ATRNL1: variants seen among roughly 807,000 people sequenced by gnomAD.
ATRNL1 encodes attractin-like protein 1.
In ATRNL1, 95 loss-of-function variants were observed where a neutral mutation model predicts 182.7. That is an observed-to-expected ratio of 0.52 (90% confidence interval 0.44 to 0.62). ATRNL1 has a LOEUF of 0.62. Among genes scored for constraint, ATRNL1 ranks in the 20% least tolerant of loss-of-function variants. ATRNL1 has a pLI of 0.00. For synonymous variants in ATRNL1, 576 were observed against 568.3 expected (o/e 1.01, Z -0.19); for missense variants, 1,471 against 1,679.5 (o/e 0.88, Z 2.17).
chr10:115,698,788 G>C (rs1170957367), intron 26 of ATRNL1, among the ~76,000 whole-genome samples: 1 of 150,610 alleles, frequency 6.6e-6, no homozygotes, highest in Admixed American at 6.6e-5. Flanking sequence ...AAAAAAAAAA[G>C]AAGAAGAAAT....
intron 1 of ATRNL1, among the ~76,000 whole-genome samples, chr10:115,112,035 A>G (rs560451206): frequency 5.5e-4 from 83 of 150,944 alleles, no homozygotes; most frequent in African/African-American, 2.0e-3. Context: ...AGTTCCATTT[A>G]CAATAGCATC....
At chr10:115,226,518 A>G (rs1236196935) in intron 9 of ATRNL1, among the ~76,000 whole-genome samples, 2 of 152,036 alleles carry the variant, frequency 1.3e-5, no homozygotes, top group African/African-American at 4.8e-5. Flanking sequence ...TTACAGAATC[A>G]GTGCTATTCC....
chr10:115,245,991 T>C (rs530195583), intron 10 of ATRNL1, among the ~76,000 whole-genome samples: 1 of 152,310 alleles, frequency 6.6e-6, no homozygotes, highest in Admixed American at 6.5e-5. Context: ...TCTTTCTTTT[T>C]GTTGGGATTA....
At chr10:115,194,586 T>C (rs1178921491) in intron 8 of ATRNL1, among the ~76,000 whole-genome samples, 1 of 151,964 alleles carries the variant, frequency 6.6e-6, no homozygotes, top group Admixed American at 6.6e-5. Context: ...GGTCTGTGTG[T>C]CTTTATGGGT....
intron 27 of ATRNL1, among the ~76,000 whole-genome samples, chr10:115,835,305 A>G (rs904103480): frequency 1.2e-4 from 18 of 152,294 alleles, no homozygotes; most frequent in African/African-American, 4.3e-4. Context: ...AACAAAAAGT[A>G]AGATACATTG....
intron 1 of ATRNL1, among the ~76,000 whole-genome samples, chr10:115,117,056 G>A (rs2143588530): frequency 6.6e-6 from 1 of 151,918 alleles, no homozygotes; most frequent in Middle Eastern, 3.4e-3. Context: ...GGAGGAAGGG[G>A]GATATATATT....
chr10:115,866,352 T>C (rs1195160668), intron 28 of ATRNL1, among the ~76,000 whole-genome samples: 2 of 152,228 alleles, frequency 1.3e-5, no homozygotes, highest in African/African-American at 4.8e-5. Context: ...TCTATGGAAC[T>C]GTCCAAAAGA....
chr10:115,771,644 G>A (rs10490918), intron 27 of ATRNL1, among the ~76,000 whole-genome samples: 30,967 of 152,098 alleles, frequency 0.2, 3,953 homozygotes, highest in Admixed American at 0.3. Flanking sequence ...ATATACCAGC[G>A]TTACCCTTTT....
At chr10:115,805,903 A>T (rs1326149683) in intron 27 of ATRNL1, among the ~76,000 whole-genome samples, 1 of 152,170 alleles carries the variant, frequency 6.6e-6, no homozygotes, top group East Asian at 1.9e-4. Flanking sequence ...CTTACCTAAC[A>T]CTTTATGCTA....
chr10:115,544,464 A>AAGTTTAC (rs1852532033), intron 25 of ATRNL1, among the ~76,000 whole-genome samples: 1 of 152,150 alleles, frequency 6.6e-6, no homozygotes, highest in Non-Finnish European at 1.5e-5. Context: ...CAGCCTCAGG[A>AAGTTTAC]AGTTTACAAT....
chr10:115,436,549 G>A (rs1846414502), intron 21 of ATRNL1, among the ~76,000 whole-genome samples: 1 of 152,050 alleles, frequency 6.6e-6, no homozygotes, highest in African/African-American at 2.4e-5. Flanking sequence ...TGTTCTAAAT[G>A]TTCCAGATTC....
chr10:115,210,533 T>G (rs1000773276), intron 8 of ATRNL1, among the ~76,000 whole-genome samples: 4 of 152,014 alleles, frequency 2.6e-5, no homozygotes, highest in African/African-American at 9.7e-5. Context: ...TTTATAATTT[T>G]GTGATTCCAA....
intron 26 of ATRNL1, among the ~76,000 whole-genome samples, chr10:115,560,188 A>G (rs558618003): frequency 1.3e-5 from 2 of 152,320 alleles, no homozygotes; most frequent in Admixed American, 6.5e-5. Flanking sequence ...GCAGTAGAAA[A>G]CATATGCTAT....
chr10:115,521,235 C>A (rs564138643), intron 25 of ATRNL1, among the ~76,000 whole-genome samples: 1 of 151,894 alleles, frequency 6.6e-6, no homozygotes, highest in East Asian at 1.9e-4. Context: ...CTCACTGCAA[C>A]CTTCACCTCC....
At chr10:115,148,744 G>GT (rs71010009) in intron 5 of ATRNL1, among the ~76,000 whole-genome samples, 1,627 of 116,726 alleles carry the variant, frequency 0.014, 47 homozygotes, top group South Asian at 0.029. Context: ...GGCCAGATGC[G>GT]TTTTTTTTTT....
chr10:115,202,451 A>G (rs1489933800), intron 8 of ATRNL1, among the ~76,000 whole-genome samples: 44 of 145,360 alleles, frequency 3.0e-4, no homozygotes, highest in African/African-American at 8.0e-4. Context: ...AGGGCTGTTG[A>G]ATTTTGTCAA....
chr10:115,480,314 T>C (rs564805293), intron 24 of ATRNL1, among the ~76,000 whole-genome samples: 99 of 151,234 alleles, frequency 6.5e-4, no homozygotes, highest in African/African-American at 2.3e-3. Flanking sequence ...GTGGCTATCA[T>C]AAAAATGTGC....
chr10:115,560,694 G>T (rs532370786), intron 26 of ATRNL1, among the ~76,000 whole-genome samples: 3 of 148,202 alleles, frequency 2.0e-5, no homozygotes, highest in African/African-American at 7.3e-5. Flanking sequence ...GAGGCAAAGG[G>T]CCCTAAACAG....
In ATRNL1 at chr10:115,268,402, T is replaced by G; in HGVS notation, c.2058T>G (p.Cys686Trp). ...CTANTNGCQW[C>W]DDKKCISANS... ...CCAATACAAATGGGTGCCAATGGTG[T>G]GATGACAAGAAATGCATTTCGGCAA... is the stretch of plus-strand genomic sequence containing the variant. The change falls in exon 13 of 29, where the codon TGT (cysteine) becomes TGG (tryptophan). Residue 686 changes from cysteine to tryptophan, a missense_variant. This residue lies in a region of ATRNL1 where 1,031 missense variants were observed against 1,156.0 expected (regional missense o/e 0.89). Coordinates refer to ENST00000355044, the MANE Select transcript of ATRNL1 (RefSeq NM_207303.4). 1 of 1,613,692 alleles carries G rather than the reference T, an allele frequency of 6.2e-7. No individual in the cohort carries two copies. The highest frequency in any genetic ancestry group is 8.5e-7 in the Non-Finnish European group (1 of 1,179,726).
Sources: gnomAD v4.1 joint callset for allele counts (sites outside exome capture counted in the v4.1 genomes callset) on GRCh38, gnomAD v4.1.1 for gene constraint, gnomAD v4.1.1 regional missense constraint, MANE v1.5 for transcripts, NCBI Gene and HGNC (gene_info 2026-07-23, HGNC 2026-07-21) for gene names.